ITSN1: variants seen among roughly 807,000 people sequenced by gnomAD.
ITSN1 encodes intersectin-1.
In ITSN1, 58 loss-of-function variants were observed where a neutral mutation model predicts 239.8. The ratio of observed to expected loss-of-function variants is 0.24; its 90% CI spans 0.20 to 0.30. The LOEUF is 0.30. ITSN1 is among the 10% of genes least tolerant of loss of function. The probability of loss-of-function intolerance (pLI) is 1.00; values close to 1 mark genes in which losing one functional copy is unlikely to be tolerated. For missense variants in ITSN1, 1,558 were observed against 2,103.3 expected (o/e 0.74, Z 5.07); for synonymous variants, 780 against 770.8 (o/e 1.01, Z -0.20).
intron 2 of ITSN1, among the ~76,000 whole-genome samples, chr21:33,719,482 G>A (rs2065358393): frequency 6.6e-6 from 1 of 152,142 alleles, no homozygotes; most frequent in South Asian, 2.1e-4. Flanking sequence ...TATTGTACCT[G>A]TAAAATGTTC....
chr21:33,865,668 G>A lies in ITSN1; in HGVS notation c.4074+334G>A, dbSNP rs558033518. Among the ~76,000 whole-genome samples, 5 of 152,362 alleles carry A rather than the reference G, an allele frequency of 3.3e-5. No homozygotes were observed. Among genetic ancestry groups the A allele is most frequent in the African/African-American group, 1.2e-4 (5 of 41,588 alleles). On this transcript the variant is annotated intron_variant, in intron 32 of 39. Coordinates refer to ENST00000381318, the MANE Select transcript of ITSN1 (RefSeq NM_003024.3). This position sits in a 1 kb window ranked among gnomAD's most constrained non-coding sequence, Gnocchi z 4.4. Reference sequence around the variant, plus strand: ...CCAGGCAGGTCTTAGATTTCCTCTTGTGTTTAATCGCCACATCCTCAGTTC... The same window carrying A: ...CCAGGCAGGTCTTAGATTTCCTCTTATGTTTAATCGCCACATCCTCAGTTC...
intron 25 of ITSN1, among the ~76,000 whole-genome samples, chr21:33,825,262 A>G (rs545125310): frequency 6.6e-6 from 1 of 152,310 alleles, no homozygotes; most frequent in South Asian, 2.1e-4. Context: ...TTAAATTATT[A>G]GCCACAGAAG....
rs553393029 is a variant in ITSN1, at chr21:33,881,324, G to A, written c.4342-919G>A. On this transcript the variant is annotated intron_variant, in intron 34 of 39. Transcript: ENST00000381318. ...CGGGAGGCTGAGGCAGGAGAATGGC[G>A]TCAACCCGGGAGGCGGAGCTTGCAG... Among the ~76,000 whole-genome samples the A allele has an allele frequency of 6.6e-5, 10 of 151,102 alleles. No individual in the cohort carries two copies. In the East Asian group the frequency reaches 1.4e-3, roughly 21 times the overall value.
rs2069230263 is a variant in ITSN1, at chr21:33,772,328, G to A, written c.1305+5G>A. The A allele has an allele frequency of 3.9e-6, 6 of 1,551,510 alleles. No homozygotes were observed. Among genetic ancestry groups the A allele is most frequent in the Non-Finnish European group, 4.4e-6 (5 of 1,147,044 alleles). ...AAAGAAATTGAGAGGCGAGAGGTAA[G>A]CAGGCGAGAGTGGAGCCACCCGGAG... is the stretch of plus-strand genomic sequence containing the variant. On this transcript the variant is annotated splice_donor_5th_base_variant and intron_variant, in intron 12 of 39. Transcript: ENST00000381318.
chr21:33,868,972 T>C (rs1007447987), intron 33 of ITSN1, among the ~76,000 whole-genome samples: 2 of 152,114 alleles, frequency 1.3e-5, no homozygotes, highest in African/African-American at 4.8e-5. Flanking sequence ...TTTTTAATTT[T>C]TTTTTTTCTA....
chr21:33,811,479 G>A (rs1310595816), intron 21 of ITSN1, among the ~76,000 whole-genome samples: 1 of 152,152 alleles, frequency 6.6e-6, no homozygotes, highest in African/African-American at 2.4e-5. Flanking sequence ...TAATGTATTT[G>A]TATCTATCAT....
chr21:33,816,543 C>T (rs1220973106), intron 22 of ITSN1, among the ~76,000 whole-genome samples: 1 of 152,174 alleles, frequency 6.6e-6, no homozygotes, highest in Non-Finnish European at 1.5e-5. Flanking sequence ...GGGATTCAAA[C>T]CCAGAGTCCA....
In ITSN1 at chr21:33,717,036, AGAAAGT is replaced by A. The variant is rs368754825; in HGVS notation, c.-32-1759_-32-1754del. Among the ~76,000 whole-genome samples the A allele has an allele frequency of 3.6e-3, 541 of 152,278 alleles. 2 individuals carry two copies. The highest frequency in any genetic ancestry group is 0.012 in the African/African-American group (512 of 41,574). ...CCAAGAAACAGAAGAACAGAGAACA[AGAAAGT>A]GCTTTTGGAAATTTAAAAATGTGAT... On this transcript the variant is annotated intron_variant, in intron 1 of 39. Coordinates refer to ENST00000381318, the MANE Select transcript of ITSN1 (RefSeq NM_003024.3).
At chr21:33,809,466 T>C in intron 20 of ITSN1, among the ~76,000 whole-genome samples, 1 of 152,220 alleles carries the variant, frequency 6.6e-6, no homozygotes, top group Admixed American at 6.5e-5. Context: ...ATTTGTTAAT[T>C]CAAATAAGCT....
intron 1 of ITSN1, among the ~76,000 whole-genome samples, chr21:33,695,399 C>T (rs2146724646): frequency 6.6e-6 from 1 of 152,222 alleles, no homozygotes; most frequent in African/African-American, 2.4e-5. Flanking sequence ...ATAGGAAAAG[C>T]TTTGTTAGAG....
intron 34 of ITSN1, among the ~76,000 whole-genome samples, chr21:33,876,443 C>A (rs900104503): frequency 1.3e-5 from 2 of 152,106 alleles, no homozygotes; most frequent in Non-Finnish European, 2.9e-5. Flanking sequence ...CAGTTCAATG[C>A]AGCCTGGACC....
At chr21:33,724,232 A>C (rs770889706) in intron 4 of ITSN1, among the ~76,000 whole-genome samples, 2 of 152,074 alleles carry the variant, frequency 1.3e-5, no homozygotes, top group Non-Finnish European at 2.9e-5. Context: ...ACTGTCTCTA[A>C]ACTAGTGTGC....
intron 1 of ITSN1, among the ~76,000 whole-genome samples, chr21:33,710,697 TCTC>T (rs1345061531): frequency 6.6e-6 from 1 of 151,880 alleles, no homozygotes; most frequent in African/African-American, 2.4e-5. Context: ...TGGGTAGTGA[TCTC>T]CTTTTTTTTT....
At position 33,822,691 on chromosome 21, in the gene ITSN1, A is replaced by G. The variant is rs2268250; in HGVS notation, c.3017-796A>G. ...CTTCAAATTCAAGACACAAAGGAAC[A>G]TTAGTTCTTATCCTTTAAGACTAAA... On this transcript the variant is annotated intron_variant, in intron 24 of 39. Transcript: ENST00000381318. Among the ~76,000 whole-genome samples the G allele has an allele frequency of 8.4e-3, 1,273 of 152,348 alleles. 19 individuals are homozygous for G. Among genetic ancestry groups the G allele is most frequent in the East Asian group, 0.049 (253 of 5,192 alleles).
Position 33,779,930 on chromosome 21 carries a change from C to T in ITSN1, c.1597-1531C>T, listed in dbSNP as rs994460368. Among the ~76,000 whole-genome samples, 13 of 152,026 alleles carry T rather than the reference C, an allele frequency of 8.6e-5. No individual in the cohort carries two copies. The East Asian group carries it at 1.4e-3, about 16-fold the overall frequency. The stretch of plus-strand genomic sequence containing the variant: ...CACTGCAACCTCTGCTTCCCGAGTT[C>T]GAGTGATTCTCCTGCCTCAGCCTCC... On this transcript the variant is annotated intron_variant, in intron 14 of 39. Transcript: ENST00000381318.
intron 29 of ITSN1, among the ~76,000 whole-genome samples, chr21:33,839,301 A>T (rs1358443680): frequency 6.6e-6 from 1 of 152,216 alleles, no homozygotes; most frequent in African/African-American, 2.4e-5. Context: ...AGAAGTTTGG[A>T]TATGAGGCAC....
At chr21:33,852,303 G>A (rs116858686) in intron 29 of ITSN1, among the ~76,000 whole-genome samples, 163 of 152,308 alleles carry the variant, frequency 1.1e-3, no homozygotes, top group Non-Finnish European at 1.9e-3. Flanking sequence ...GCAACTTGCT[G>A]TGGGGGCTGG....
chr21:33,695,272 C>T (rs747497419), intron 1 of ITSN1, among the ~76,000 whole-genome samples: 1 of 152,206 alleles, frequency 6.6e-6, no homozygotes, highest in African/African-American at 2.4e-5. Context: ...GGCCTTACCT[C>T]TTTCCTTGTG....
chr21:33,716,205 A>G (rs1259719212), intron 1 of ITSN1, among the ~76,000 whole-genome samples: 1 of 152,134 alleles, frequency 6.6e-6, no homozygotes, highest in East Asian at 1.9e-4. Flanking sequence ...CACAGTGGAA[A>G]TTCCTTAAAA....
Sources: allele counts gnomAD v4.1 joint callset (sites outside exome capture counted in the v4.1 genomes callset), GRCh38; gene constraint gnomAD v4.1.1; non-coding constraint Gnocchi (gnomAD v3.1); transcripts MANE v1.5; gene names NCBI Gene and HGNC (gene_info 2026-07-23, HGNC 2026-07-21).